The following TEAD4 variants were observed in gnomAD, a reference collection of about 807,000 sequenced individuals.
TEAD4 encodes transcriptional enhancer factor TEF-3.
TEAD4 carries 36 observed loss-of-function variants against 52.4 expected under a neutral mutation model. That is an observed-to-expected ratio of 0.69 (90% CI 0.53 to 0.91). The LOEUF (loss-of-function observed/expected upper bound fraction) is 0.91. Among genes scored for constraint, TEAD4 ranks in the 40% least tolerant of loss-of-function variants. TEAD4 has a pLI of 0.00. For missense variants in TEAD4, 508 were observed against 583.9 expected (o/e 0.87, Z 1.34); for synonymous variants, 220 against 231.0 (o/e 0.95, Z 0.43).
chr12:2,961,371 G>A (rs2098215130), intron 2 of TEAD4, among the ~76,000 whole-genome samples: 1 of 151,840 alleles, frequency 6.6e-6, no homozygotes, highest in Non-Finnish European at 1.5e-5. Flanking sequence ...CATGTGTAGG[G>A]CTTCTTGGAA....
intron 2 of TEAD4, among the ~76,000 whole-genome samples, chr12:2,966,195 G>C (rs373028163): frequency 2.0e-5 from 3 of 152,136 alleles, no homozygotes; most frequent in Non-Finnish European, 2.9e-5. Context: ...ACAAGAGAAA[G>C]CAGTGTGGTC....
intron 3 of TEAD4, among the ~76,000 whole-genome samples, chr12:3,002,241 A>C (rs1217877385): frequency 6.6e-6 from 1 of 152,170 alleles, no homozygotes; most frequent in African/African-American, 2.4e-5. Context: ...GTATGGAGAG[A>C]CTGCATCTTG....
chr12:3,009,073 C>T (rs999267101), intron 3 of TEAD4, among the ~76,000 whole-genome samples: 7 of 152,182 alleles, frequency 4.6e-5, no homozygotes, highest in African/African-American at 1.7e-4. Context: ...AGGTCTGTTT[C>T]CTACATCTGT....
chr12:3,010,877 C>G lies in TEAD4; in HGVS notation c.227-127C>G, dbSNP rs1266594254. The G allele has an allele frequency of 1.1e-5, 11 of 1,023,906 alleles. No individual in the cohort carries two copies. In the East Asian group the frequency reaches 2.7e-4, roughly 25 times the overall value. 63.4% of individuals were successfully genotyped at this position (1,023,906 alleles called of 1,614,324 possible). A position where few individuals can be genotyped will look rare whatever the true frequency, so the allele number is the denominator to read the frequency against. Reference sequence around the variant, plus strand: ...AGAGGGAACCCACAGAATCCTCACCCCACAAATCCGCTTAGGATGGGCAGA... The same window carrying G: ...AGAGGGAACCCACAGAATCCTCACCGCACAAATCCGCTTAGGATGGGCAGA... On this transcript the variant is annotated intron_variant, in intron 3 of 12. Transcript: ENST00000359864.
At chr12:2,970,422 A>G (rs753458313) in intron 2 of TEAD4, among the ~76,000 whole-genome samples, 62 of 152,358 alleles carry the variant, frequency 4.1e-4, no homozygotes, top group Non-Finnish European at 3.2e-4. Context: ...TGAAGACTAA[A>G]TGAGTTAATA....
At chr12:3,040,070 T>C in intron 11 of TEAD4, 37 bp from the exon 12 acceptor site, 3 of 1,610,468 alleles carry the variant, frequency 1.9e-6, no homozygotes, top group Non-Finnish European at 2.5e-6. Context: ...GTGGTCAGAA[T>C]GGGATTCTAA....
At chr12:3,036,695 T>A (rs1029236527) in intron 10 of TEAD4, among the ~76,000 whole-genome samples, 24 of 152,254 alleles carry the variant, frequency 1.6e-4, no homozygotes, top group Admixed American at 2.6e-4. Flanking sequence ...GCCTGTGCGT[T>A]GTTTCTGAGT....
In TEAD4 at chr12:2,971,722, G is replaced by A. The variant is rs563667214; in HGVS notation, c.-30+11682G>A. Among the ~76,000 whole-genome samples the A allele has an allele frequency of 4.0e-5, 6 of 151,492 alleles. No homozygotes were observed. In the East Asian group the frequency reaches 7.8e-4, roughly 20 times the overall value. ...GATCTCCTGACCTCATGATCTGCCC[G>A]CCACGGCCTCCCAAAGTGCTGGGAT... On this transcript the variant is annotated intron_variant, in intron 2 of 12. Coordinates refer to ENST00000359864, the MANE Select transcript of TEAD4 (RefSeq NM_003213.4).
rs750242632 is a variant in TEAD4 at position 3,019,115 on chromosome 12, T to C, written c.528T>C (p.Asp176=). ...ACCTCCCCTCCTCTCTCTCCCGCAGTGTGAAGCCTTTCTCTCAGCAAACCT... is the reference window on the plus strand; with the variant it reads ...ACCTCCCCTCCTCTCTCTCCCGCAGCGTGAAGCCTTTCTCTCAGCAAACCT... Residue 176 remains aspartate, a splice_region_variant and synonymous_variant, in exon 8 of 13, where the codon GAT becomes GAC. Transcript: ENST00000359864. 1.4e-5 allele frequency: 23 copies of C among 1,613,910 alleles called. No individual in the cohort carries two copies. Among genetic ancestry groups the C allele is most frequent in the Non-Finnish European group, 1.7e-5 (20 of 1,179,978 alleles).
chr12:3,040,303 G>T (rs1441625660), intron 12 of TEAD4, 44 bp downstream of exon 12: 1 of 1,613,866 alleles, frequency 6.2e-7, no homozygotes, highest in African/African-American at 1.3e-5. Context: ...CTGTGTGTGG[G>T]TAGCAGCCAT....
chr12:3,014,146 T>A (rs1408490302), intron 5 of TEAD4, among the ~76,000 whole-genome samples: 1 of 152,158 alleles, frequency 6.6e-6, no homozygotes, highest in African/African-American at 2.4e-5. Flanking sequence ...CCCTCAGCTG[T>A]TGCTCCCGCC....
intron 2 of TEAD4, among the ~76,000 whole-genome samples, chr12:2,976,761 G>T (rs1311194372): frequency 7.3e-6 from 1 of 137,016 alleles, no homozygotes; most frequent in African/African-American, 3.2e-5. Flanking sequence ...GCTGGGTCCA[G>T]GCAAGTACTC....
intron 2 of TEAD4, among the ~76,000 whole-genome samples, chr12:2,970,365 C>T (rs1188143783): frequency 1.3e-5 from 2 of 152,182 alleles, no homozygotes; most frequent in African/African-American, 4.8e-5. Flanking sequence ...CACTTAACAC[C>T]TGGGTGGGAT....
At chr12:2,974,003 G>A (rs1458526075) in intron 2 of TEAD4, among the ~76,000 whole-genome samples, 1 of 152,072 alleles carries the variant, frequency 6.6e-6, no homozygotes, top group Non-Finnish European at 1.5e-5. Context: ...TCCAGCTATT[G>A]TTTTTTCTTT....
chr12:3,026,941 T>C (rs1046727770), intron 10 of TEAD4, among the ~76,000 whole-genome samples: 6 of 152,220 alleles, frequency 3.9e-5, no homozygotes, highest in African/African-American at 1.4e-4. Flanking sequence ...CTCCTCTTTT[T>C]CTTAAAGGTA....
chr12:3,022,027 T>C lies in TEAD4; in HGVS notation c.897+10T>C, dbSNP rs766498119. The C allele has an allele frequency of 6.2e-7, 1 of 1,613,548 alleles. No individual in the cohort carries two copies. The highest frequency in any genetic ancestry group is 8.5e-7 in the Non-Finnish European group (1 of 1,179,606). On this transcript the variant is annotated intron_variant, in intron 10 of 12. Coordinates refer to ENST00000359864, the MANE Select transcript of TEAD4 (RefSeq NM_003213.4). ...TCTTGTGAAGTTCTGGGTAAGCCTG[T>C]GATAACCCCTTCTTTCCTGCCACCA... is the stretch of plus-strand genomic sequence containing the variant.
rs575710700 is a variant in TEAD4, at chr12:3,035,549, C to T, written c.898-2419C>T. 3.3e-5 allele frequency among the ~76,000 whole-genome samples: 5 copies of T among 152,306 alleles called. 1 individual carries two copies. In the East Asian group the frequency reaches 7.7e-4, roughly 24 times the overall value. ...GAGAAAATAGGAGACAGGCCAGGTG[C>T]AGTGGTTCACACCTGCAATCCCAAC... On this transcript the variant is annotated intron_variant, in intron 10 of 12. Coordinates refer to ENST00000359864, the MANE Select transcript of TEAD4 (RefSeq NM_003213.4).
intron 12 of TEAD4, 26 bp from the exon 13 acceptor site, chr12:3,040,339 A>T (rs749546682): frequency 1.9e-6 from 3 of 1,613,986 alleles, no homozygotes; most frequent in Non-Finnish European, 1.7e-6. Flanking sequence ...GGGCCTTATT[A>T]ACCCTTGTCT....
chr12:3,011,088 T>A lies in TEAD4; in HGVS notation c.291+20T>A. On this transcript the variant is annotated intron_variant, in intron 4 of 12. Coordinates refer to ENST00000359864, the MANE Select transcript of TEAD4 (RefSeq NM_003213.4). ...AAGCAGGTGGGCCTCAAGAGACGGG[T>A]AGGGGTCCCGGGGGTGGTACCCCAG... 18 of 1,613,768 alleles carry A rather than the reference T, an allele frequency of 1.1e-5. No individual in the cohort carries two copies. The highest frequency in any genetic ancestry group is 1.5e-5 in the Non-Finnish European group (18 of 1,179,838).
Sources: gnomAD v4.1 joint callset for allele counts (sites outside exome capture counted in the v4.1 genomes callset) on GRCh38, gnomAD v4.1.1 for gene constraint, MANE v1.5 for transcripts, NCBI Gene and HGNC (gene_info 2026-07-23, HGNC 2026-07-21) for gene names.